Variants in NPSR1 observed in about 807,000 individuals in gnomAD.
NPSR1 encodes the protein neuropeptide S receptor.
Under a neutral mutation model 46.9 loss-of-function variants are expected in NPSR1, and 48 were observed. That is an observed-to-expected ratio of 1.02 (90% CI 0.81 to 1.30). The LOEUF (loss-of-function observed/expected upper bound fraction) is 1.30. Among genes scored for constraint, NPSR1 ranks in the 50% most tolerant of loss-of-function variants. NPSR1 has a pLI of 0.00. For synonymous variants in NPSR1, 176 were observed against 168.1 expected (o/e 1.05, Z -0.36); for missense variants, 450 against 449.5 (o/e 1.00, Z -0.01).
At chr7:34,729,620 A>AAT (rs1346271389) in intron 2 of NPSR1, among the ~76,000 whole-genome samples, 2 of 152,222 alleles carry the variant, frequency 1.3e-5, no homozygotes, top group African/African-American at 4.8e-5. Context: ...GCCTAATAAG[A>AAT]CATGTAATTA....
At chr7:34,849,407 G>C (rs201515272) in intron 8 of NPSR1, 158 bp from the exon 9 acceptor site, 75 of 1,558,710 alleles carry the variant, frequency 4.8e-5, no homozygotes, top group Admixed American at 9.7e-5. Context: ...AGAGCTGTGA[G>C]TCATGGAGAA....
At chr7:34,870,903 A>ATGAATGG (rs1562780718) in intron 8 of NPSR1, among the ~76,000 whole-genome samples, 1 of 120,858 alleles carries the variant, frequency 8.3e-6, no homozygotes, top group Non-Finnish European at 1.8e-5. Context: ...TGGATGGATG[A>ATGAATGG]ATGGATGGAT....
intron 4 of NPSR1, among the ~76,000 whole-genome samples, chr7:34,818,955 C>T (rs949860626): frequency 6.6e-6 from 1 of 152,130 alleles, no homozygotes; most frequent in African/African-American, 2.4e-5. Context: ...AAACCTAAAA[C>T]CATAAAAACC....
chr7:34,708,589 T>C (rs1794225336), intron 2 of NPSR1, among the ~76,000 whole-genome samples: 1 of 152,148 alleles, frequency 6.6e-6, no homozygotes, highest in Non-Finnish European at 1.5e-5. Flanking sequence ...AGCTTATAGT[T>C]AGAGGAAGGA....
At chr7:34,782,629 C>A (rs73093010) in intron 3 of NPSR1, among the ~76,000 whole-genome samples, 7 of 152,178 alleles carry the variant, frequency 4.6e-5, no homozygotes, top group Non-Finnish European at 1.0e-4. Context: ...GAAGGTGATT[C>A]TTTTTGGTTT....
chr7:34,721,917 T>A (rs1783877521), intron 2 of NPSR1, among the ~76,000 whole-genome samples: 1 of 152,134 alleles, frequency 6.6e-6, no homozygotes, highest in South Asian at 2.1e-4. Context: ...TAGATAAGCA[T>A]AATTGGTACA....
At chr7:34,743,513 G>A (rs987971928) in intron 2 of NPSR1, among the ~76,000 whole-genome samples, 5 of 151,172 alleles carry the variant, frequency 3.3e-5, no homozygotes, top group South Asian at 2.1e-4. Flanking sequence ...TGATCTTGGC[G>A]CACTGCAACC....
At chr7:34,794,267 A>T (rs1357314813) in intron 3 of NPSR1, among the ~76,000 whole-genome samples, 1 of 152,186 alleles carries the variant, frequency 6.6e-6, no homozygotes, top group East Asian at 1.9e-4. Context: ...AAGATGATGG[A>T]TATTCTAATT....
At chr7:34,666,463 C>A (rs149937142) in intron 1 of NPSR1, among the ~76,000 whole-genome samples, 2 of 152,012 alleles carry the variant, frequency 1.3e-5, no homozygotes, top group African/African-American at 4.8e-5. Flanking sequence ...CTGATGAAAG[C>A]GGAAAGATAT....
intron 8 of NPSR1, among the ~76,000 whole-genome samples, chr7:34,870,429 A>C (rs1376662432): frequency 1.1e-4 from 17 of 151,862 alleles, no homozygotes; most frequent in Non-Finnish European, 2.5e-4. Context: ...GAAAGGAATC[A>C]AGTATGAGGT....
At position 34,792,688 on chromosome 7, in the gene NPSR1, TGTATATATATAC is replaced by T. The variant is rs1266361722; in HGVS notation, c.384+14135_384+14146del. Among the ~76,000 whole-genome samples the T allele has an allele frequency of 8.3e-4, 96 of 115,486 alleles. 2 individuals are homozygous for T. Among genetic ancestry groups the T allele is most frequent in the African/African-American group, 2.5e-3 (75 of 30,472 alleles). The allele number at this position is 115,486 out of a possible 152,430, so 75.8% of individuals were successfully genotyped here. On this transcript the variant is annotated intron_variant, in intron 3 of 8. Transcript: ENST00000360581. ...ATTTATATATATGTATATATATATATGTATATATATACGTATATATATATATTTATATATATA... is the reference window on the plus strand; with the variant it reads ...ATTTATATATATGTATATATATATATGTATATATATATATTTATATATATA...
intron 2 of NPSR1, among the ~76,000 whole-genome samples, chr7:34,706,089 G>A (rs1794091900): frequency 6.6e-6 from 1 of 150,494 alleles, no homozygotes; most frequent in South Asian, 2.1e-4. Flanking sequence ...ATTTAATTCT[G>A]GTATTTTGTG....
At chr7:34,824,857 G>T (rs547463074) in intron 4 of NPSR1, among the ~76,000 whole-genome samples, 1 of 152,050 alleles carries the variant, frequency 6.6e-6, no homozygotes, top group African/African-American at 2.4e-5. Flanking sequence ...AACCCATCAG[G>T]CTTCACACCC....
intron 2 of NPSR1, among the ~76,000 whole-genome samples, chr7:34,772,744 A>T (rs143153741): frequency 5.9e-5 from 9 of 152,236 alleles, no homozygotes; most frequent in African/African-American, 2.2e-4. Context: ...GATGCTTAAC[A>T]TCCCTGGCCC....
At chr7:34,780,382 T>G (rs1272013027) in intron 3 of NPSR1, among the ~76,000 whole-genome samples, 2 of 152,212 alleles carry the variant, frequency 1.3e-5, no homozygotes, top group African/African-American at 2.4e-5. Context: ...TAAAATTTTT[T>G]CTAACTGTAT....
chr7:34,825,533 A>G (rs981292554), intron 4 of NPSR1, among the ~76,000 whole-genome samples: 1 of 152,200 alleles, frequency 6.6e-6, no homozygotes, highest in Admixed American at 6.5e-5. Context: ...AACCTGCATC[A>G]TGAAGTTTGC....
intron 2 of NPSR1, among the ~76,000 whole-genome samples, chr7:34,685,480 T>G (rs867097799): frequency 6.6e-6 from 1 of 151,578 alleles, no homozygotes; most frequent in African/African-American, 2.4e-5. Context: ...TATATTAGCT[T>G]AATTTGGATC....
At chr7:34,834,155 C>A (rs1463215624) in intron 5 of NPSR1, 1 of 551,802 alleles carries the variant, frequency 1.8e-6, no homozygotes. Flanking sequence ...AACTGCATAA[C>A]TTTACCAGGT....
intron 8 of NPSR1, among the ~76,000 whole-genome samples, chr7:34,873,878 G>T (rs1791516568): frequency 6.6e-6 from 1 of 151,634 alleles, no homozygotes; most frequent in Non-Finnish European, 1.5e-5. Flanking sequence ...AAGCAGTGCA[G>T]AACAAAGCAG....
Sources: allele counts gnomAD v4.1 joint callset (sites outside exome capture counted in the v4.1 genomes callset), GRCh38; gene constraint gnomAD v4.1.1; transcripts MANE v1.5; gene names NCBI Gene and HGNC (gene_info 2026-07-23, HGNC 2026-07-21).